The following CRACR2A variants were observed in gnomAD, a reference collection of about 807,000 sequenced individuals.
The protein encoded by CRACR2A is EF-hand calcium-binding domain-containing protein 4B.
A neutral mutation model predicts 90.5 loss-of-function variants in CRACR2A; 79 were observed. The ratio of observed to expected loss-of-function variants is 0.87; its 90% CI spans 0.73 to 1.05. The LOEUF (loss-of-function observed/expected upper bound fraction) is 1.05, where lower values mean the gene tolerates loss of function less well. Among genes scored for constraint, CRACR2A ranks in the 50% least tolerant of loss-of-function variants. CRACR2A has a pLI of 0.00. For synonymous variants in CRACR2A, 338 were observed against 356.7 expected (o/e 0.95, Z 0.59); for missense variants, 823 against 897.2 (o/e 0.92, Z 1.06).
chr12:3,615,400 G>A lies in CRACR2A; in HGVS notation c.2151C>T (p.Thr717=). 6.4e-7 allele frequency: 1 copy of A among 1,551,494 alleles called. No homozygotes were observed. Among genetic ancestry groups the A allele is most frequent in the Middle Eastern group, 1.7e-4 (1 of 5,988 alleles). Residue 717 remains threonine, a synonymous_variant, in exon 20 of 20, where the codon ACC becomes ACT. Coordinates refer to ENST00000440314, the MANE Select transcript of CRACR2A (RefSeq NM_001144958.2). ...TCTTAGCAGGGTGGCCGACCTGAAT[G>A]GTGTCCTCTCTCACTGTGTCTTCTT... ...KEQEDTVRED[T]IQVGHPAKKK...
intron 2 of CRACR2A, among the ~76,000 whole-genome samples, chr12:3,720,466 A>AGAAAGAAAGAAAGAAC (rs1946153380): frequency 6.6e-6 from 1 of 151,844 alleles, no homozygotes; most frequent in Non-Finnish European, 1.5e-5. Context: ...AAAGAAAGAA[A>AGAAAGAAAGAAAGAAC]GCAAAAGAAA....
At chr12:3,684,897 A>C (rs1441200814) in intron 4 of CRACR2A, among the ~76,000 whole-genome samples, 1 of 152,244 alleles carries the variant, frequency 6.6e-6, no homozygotes. Context: ...CCCTGAAGGC[A>C]AGGGAGAGCG....
chr12:3,743,293 C>T (rs1204472028), intron 1 of CRACR2A, among the ~76,000 whole-genome samples: 1 of 152,236 alleles, frequency 6.6e-6, no homozygotes, highest in Non-Finnish European at 1.5e-5. Flanking sequence ...CTTCAAGCTG[C>T]AGTTCAATGT....
At position 3,679,106 on chromosome 12, in the gene CRACR2A, G is replaced by T. The variant is rs758087215; in HGVS notation, c.341-8C>A. 1.9e-6 allele frequency: 3 copies of T among 1,608,814 alleles called. No individual in the cohort carries two copies. Among genetic ancestry groups the T allele is most frequent in the Non-Finnish European group, 2.5e-6 (3 of 1,177,848 alleles). ...GGCTGAAGAAGAAGTGACCTGGGGGGTGCAGGGCACAAGGATCCGAATTAG... is the reference window on the plus strand; with the variant it reads ...GGCTGAAGAAGAAGTGACCTGGGGGTTGCAGGGCACAAGGATCCGAATTAG... On this transcript the variant is annotated splice_polypyrimidine_tract_variant and splice_region_variant and intron_variant, in intron 5 of 19. Coordinates refer to ENST00000440314, the MANE Select transcript of CRACR2A (RefSeq NM_001144958.2).
intron 2 of CRACR2A, chr12:3,728,426 G>A (rs1475364795): frequency 6.6e-6 from 1 of 152,276 alleles, no homozygotes; most frequent in Non-Finnish European, 1.5e-5. Flanking sequence ...AGATGCTGTT[G>A]CATGCAAACT....
At chr12:3,727,003 A>C (rs1005301506) in intron 2 of CRACR2A, 2 of 152,266 alleles carry the variant, frequency 1.3e-5, no homozygotes, top group African/African-American at 4.8e-5. Flanking sequence ...TAAAAATACA[A>C]AAATTAGCCG....
chr12:3,707,687 G>A (rs1047737823), intron 3 of CRACR2A, among the ~76,000 whole-genome samples: 12 of 152,190 alleles, frequency 7.9e-5, no homozygotes, highest in Non-Finnish European at 1.3e-4. Flanking sequence ...TTCTTCCCAT[G>A]AACAAGCTTT....
At chr12:3,672,559 G>A (rs1051348604) in intron 7 of CRACR2A, among the ~76,000 whole-genome samples, 7 of 152,222 alleles carry the variant, frequency 4.6e-5, no homozygotes, top group Admixed American at 3.3e-4. Flanking sequence ...CACCTTCAGG[G>A]TTATGAACCA....
Position 3,724,681 on chromosome 12 carries a change from G to A in CRACR2A, c.-118+8261C>T, listed in dbSNP as rs555210096. On this transcript the variant is annotated intron_variant, in intron 2 of 19. Transcript: ENST00000440314. ...TGATGTCAGCAATATCACCCAGACCGTCTGGGGCTGCAAAACAAATAGCTT... is the reference window on the plus strand; with the variant it reads ...TGATGTCAGCAATATCACCCAGACCATCTGGGGCTGCAAAACAAATAGCTT... Among the ~76,000 whole-genome samples, 69 of 152,340 alleles carry A rather than the reference G, an allele frequency of 4.5e-4. 1 individual carries two copies. The highest frequency in any genetic ancestry group is 1.6e-3 in the African/African-American group (65 of 41,570).
At position 3,723,369 on chromosome 12, in the gene CRACR2A, G is replaced by C. The variant is rs191932856; in HGVS notation, c.-118+9573C>G. On this transcript the variant is annotated intron_variant, in intron 2 of 19. Transcript: ENST00000440314. ...TCTCCATGGTTCAGGTGGCCAGTTA[G>C]TGTCAGATTTATCCACCCTTCCAGC... is the stretch of plus-strand genomic sequence containing the variant. 2.0e-5 allele frequency among the ~76,000 whole-genome samples: 3 copies of C among 152,294 alleles called. No individual in the cohort carries two copies. In the East Asian group the frequency reaches 5.8e-4, roughly 29 times the overall value.
intron 1 of CRACR2A, chr12:3,752,619 G>A: frequency 6.6e-6 from 1 of 152,580 alleles, no homozygotes; most frequent in Non-Finnish European, 1.5e-5. Flanking sequence ...GCTCCTAGTA[G>A]CACTGACCTG....
At chr12:3,656,582 A>C (rs1457753610) in intron 8 of CRACR2A, among the ~76,000 whole-genome samples, 176 bp from the exon 9 acceptor site, 1 of 152,172 alleles carries the variant, frequency 6.6e-6, no homozygotes. Flanking sequence ...GGGAGGACCA[A>C]ATGAGACAGA....
intron 2 of CRACR2A, among the ~76,000 whole-genome samples, chr12:3,724,697 C>T (rs1946235203): frequency 6.6e-6 from 1 of 152,210 alleles, no homozygotes; most frequent in South Asian, 2.1e-4. Flanking sequence ...GGCTGCAAAA[C>T]AAATAGCTTT....
intron 4 of CRACR2A, among the ~76,000 whole-genome samples, chr12:3,693,284 T>C (rs1306844346): frequency 6.6e-6 from 1 of 152,200 alleles, no homozygotes; most frequent in Admixed American, 6.5e-5. Context: ...ACAGGAGCTA[T>C]GATGCGGGCC....
chr12:3,640,252 T>G (rs2137371225), intron 13 of CRACR2A: 1 of 165,156 alleles, frequency 6.1e-6, no homozygotes, highest in South Asian at 1.7e-4. Flanking sequence ...GGCTCACAAT[T>G]TGTTGCTTAC....
chr12:3,750,269 C>T (rs1946685705), intron 1 of CRACR2A, among the ~76,000 whole-genome samples: 1 of 152,150 alleles, frequency 6.6e-6, no homozygotes, highest in Non-Finnish European at 1.5e-5. Context: ...CTGGAGGCTC[C>T]TCTGCAAGAC....
chr12:3,631,147 G>A (rs1944369113), intron 15 of CRACR2A, among the ~76,000 whole-genome samples: 1 of 152,168 alleles, frequency 6.6e-6, no homozygotes, highest in Non-Finnish European at 1.5e-5. Context: ...GTGTGGCAGG[G>A]AAACTAATTT....
chr12:3,680,501 C>T, intron 4 of CRACR2A, 152 bp from the exon 5 acceptor site: 2 of 621,584 alleles, frequency 3.2e-6, no homozygotes, highest in Non-Finnish European at 5.8e-6. Flanking sequence ...ACTGCTTCAC[C>T]ATCCCTCTCC....
At position 3,659,469 on chromosome 12, in the gene CRACR2A, T is replaced by G; in HGVS notation, c.762+95A>C. On this transcript the variant is annotated intron_variant, in intron 8 of 19. Coordinates refer to ENST00000440314, the MANE Select transcript of CRACR2A (RefSeq NM_001144958.2). ...CAGCAGAGAAAGAGGGAATCAATAG[T>G]GCATGGATGGGGGCACCAAAATCTT... is the stretch of plus-strand genomic sequence containing the variant. 7 of 986,158 alleles carry G rather than the reference T, an allele frequency of 7.1e-6. 1 individual carries two copies. In the South Asian group the frequency reaches 8.5e-5, roughly 12 times the overall value. The allele number at this position is 986,158 out of a possible 1,614,324, so 61.1% of individuals were successfully genotyped here. A position where few individuals can be genotyped will look rare whatever the true frequency, so the allele number is the denominator to read the frequency against.
Sources: allele counts gnomAD v4.1 joint callset (sites outside exome capture counted in the v4.1 genomes callset), GRCh38; gene constraint gnomAD v4.1.1; transcripts MANE v1.5; gene names NCBI Gene and HGNC (gene_info 2026-07-23, HGNC 2026-07-21).